SEMA6A: variants seen among roughly 807,000 people sequenced by gnomAD.
The protein encoded by SEMA6A is semaphorin 6A.
SEMA6A carries 25 observed loss-of-function variants against 96.8 expected under a neutral mutation model. The observed-to-expected ratio is 0.26, with a 90% CI of 0.19 to 0.36. SEMA6A has a LOEUF of 0.36. Ranked by LOEUF, SEMA6A falls within the 10% of genes least tolerant of loss-of-function variation. The pLI, the probability that SEMA6A is intolerant of heterozygous loss-of-function variation, is 1.00. For missense variants in SEMA6A, 1,363 were observed against 1,323.1 expected (o/e 1.03, Z -0.47); for synonymous variants, 612 against 518.0 (o/e 1.18, Z -2.46).
chr5:116,458,376 G>A (rs1755150741), intron 18 of SEMA6A, among the ~76,000 whole-genome samples: 1 of 152,140 alleles, frequency 6.6e-6, no homozygotes, highest in Non-Finnish European at 1.5e-5. Context: ...GTCATTGTGT[G>A]TGTTTTTGTA....
chr5:116,562,542 T>G, intron 1 of SEMA6A: 2 of 553,132 alleles, frequency 3.6e-6, no homozygotes, highest in South Asian at 1.9e-5. Context: ...CGGTGTGGAG[T>G]CTGGAGACAA....
chr5:116,560,830 C>CAA (rs947153864), intron 1 of SEMA6A, among the ~76,000 whole-genome samples: 25 of 152,096 alleles, frequency 1.6e-4, no homozygotes, highest in African/African-American at 6.0e-4. Context: ...CCCCTCCTAG[C>CAA]AATGGTATTT....
At chr5:116,556,006 G>T (rs1001082255) in intron 1 of SEMA6A, among the ~76,000 whole-genome samples, 1 of 152,030 alleles carries the variant, frequency 6.6e-6, no homozygotes, top group Non-Finnish European at 1.5e-5. Context: ...TTATGACCTC[G>T]GAGTTTCTTC....
intron 1 of SEMA6A, among the ~76,000 whole-genome samples, chr5:116,563,970 A>G (rs1205441659): frequency 6.8e-6 from 1 of 147,056 alleles, no homozygotes; most frequent in Non-Finnish European, 1.5e-5. Context: ...GCCAGACCAC[A>G]TGATCAAAAA....
At chr5:116,559,577 C>T (rs1338943522) in intron 1 of SEMA6A, among the ~76,000 whole-genome samples, 2 of 152,184 alleles carry the variant, frequency 1.3e-5, no homozygotes, top group African/African-American at 4.8e-5. Context: ...TTGGTGCGCT[C>T]TCGGGGTTCG....
chr5:116,486,317 A>T (rs1054959961), intron 10 of SEMA6A, among the ~76,000 whole-genome samples: 1 of 152,240 alleles, frequency 6.6e-6, no homozygotes, highest in Admixed American at 6.5e-5. Context: ...GCAAATTATT[A>T]GATGACCTAG....
At chr5:116,551,193 G>T (rs1760390239) in intron 1 of SEMA6A, among the ~76,000 whole-genome samples, 1 of 152,096 alleles carries the variant, frequency 6.6e-6, no homozygotes, top group Non-Finnish European at 1.5e-5. Flanking sequence ...GAAAAGCAGA[G>T]GAAGCGAGTG....
chr5:116,482,626 G>A (rs1328341344), intron 10 of SEMA6A, 51 bp from the exon 11 acceptor site: 8 of 1,602,188 alleles, frequency 5.0e-6, no homozygotes, highest in Non-Finnish European at 6.8e-6. Flanking sequence ...GGTTATGCAT[G>A]TGGTTTGGAA....
intron 18 of SEMA6A, among the ~76,000 whole-genome samples, chr5:116,458,252 G>A (rs767909469): frequency 2.6e-5 from 4 of 152,138 alleles, no homozygotes; most frequent in East Asian, 3.8e-4. Context: ...ACACAGTGCC[G>A]TTGAACCAAT....
At position 116,475,552 on chromosome 5, in the gene SEMA6A, G is replaced by T. The variant is rs12516652; in HGVS notation, c.1701C>A (p.Asp567Glu). 11,647 of 1,600,096 alleles carry T rather than the reference G, an allele frequency of 7.3e-3. 450 individuals carry two copies. In the Admixed American group the frequency reaches 0.09, roughly 12 times the overall value. ...ATAAAAGACTGTACTTACTGTGACA[G>T]TCCCCCAGACCATCTGTATTGCCAC... is the stretch of plus-strand genomic sequence containing the variant. ...IERGNTDGLG[D>E]CHNSFVALNG... is the part of the protein sequence containing the mutation. Residue 567 changes from aspartate to glutamate, a missense_variant, in exon 16 of 19, where the codon GAC (aspartate) becomes GAA (glutamate). By Grantham distance (45) the Asp-to-Glu change is conservative. Coordinates refer to ENST00000343348, the MANE Select transcript of SEMA6A (RefSeq NM_020796.5).
intron 18 of SEMA6A, among the ~76,000 whole-genome samples, chr5:116,463,799 T>C (rs72810795): frequency 0.022 from 3,293 of 152,332 alleles, 52 homozygotes; most frequent in Non-Finnish European, 0.035. Flanking sequence ...AAGAACTCTT[T>C]ATTATAAAAT....
chr5:116,568,692 C>T (rs1349729198), intron 1 of SEMA6A, among the ~76,000 whole-genome samples: 4 of 152,152 alleles, frequency 2.6e-5, no homozygotes, highest in African/African-American at 9.7e-5. Flanking sequence ...TGCTCTTGGA[C>T]ACAGGAGGGG....
chr5:116,528,256 C>T (rs1293447751), intron 1 of SEMA6A, among the ~76,000 whole-genome samples: 1 of 152,138 alleles, frequency 6.6e-6, no homozygotes, highest in Non-Finnish European at 1.5e-5. Flanking sequence ...AAGTAAATAG[C>T]AAGCCTTAGT....
intron 7 of SEMA6A, among the ~76,000 whole-genome samples, chr5:116,490,348 C>T (rs1179828402): frequency 2.0e-5 from 3 of 152,058 alleles, no homozygotes; most frequent in African/African-American, 7.2e-5. Context: ...CCTATAGCCC[C>T]GCCTTGGCCT....
At chr5:116,507,874 A>C (rs1015312899) in intron 1 of SEMA6A, among the ~76,000 whole-genome samples, 4 of 152,206 alleles carry the variant, frequency 2.6e-5, no homozygotes, top group Admixed American at 1.3e-4. Flanking sequence ...CTACAAAGTT[A>C]TAATCCTAAT....
intron 18 of SEMA6A, among the ~76,000 whole-genome samples, chr5:116,450,355 A>C (rs898020529): frequency 2.0e-5 from 3 of 152,208 alleles, no homozygotes; most frequent in African/African-American, 7.2e-5. Flanking sequence ...TGTGTATTAT[A>C]ATAGGAAGCT....
At chr5:116,526,383 C>G (rs945028789) in intron 1 of SEMA6A, among the ~76,000 whole-genome samples, 7 of 152,140 alleles carry the variant, frequency 4.6e-5, no homozygotes, top group Non-Finnish European at 7.3e-5. Context: ...CTTGAGTGAG[C>G]TCTATCATAG....
chr5:116,549,402 A>G (rs1760311373), intron 1 of SEMA6A, among the ~76,000 whole-genome samples: 1 of 152,112 alleles, frequency 6.6e-6, no homozygotes, highest in South Asian at 2.1e-4. Context: ...AGACCAGACT[A>G]CCATAAAGCC....
chr5:116,504,507 A>G (rs1052834004), intron 2 of SEMA6A, among the ~76,000 whole-genome samples: 13 of 152,208 alleles, frequency 8.5e-5, no homozygotes, highest in Admixed American at 2.6e-4. Flanking sequence ...ATTATATATA[A>G]AAGCGAGTAA....
Sources: gnomAD v4.1 joint callset for allele counts (sites outside exome capture counted in the v4.1 genomes callset) on GRCh38, gnomAD v4.1.1 for gene constraint, MANE v1.5 for transcripts, NCBI Gene and HGNC (gene_info 2026-07-23, HGNC 2026-07-21) for gene names.